SIL1: variants seen among roughly 807,000 people sequenced by gnomAD.
SIL1 encodes the protein nucleotide exchange factor SIL1.
In SIL1, 40 loss-of-function variants were observed where a neutral mutation model predicts 49.1. The observed-to-expected ratio is 0.81, with a 90% CI of 0.63 to 1.06. The LOEUF (loss-of-function observed/expected upper bound fraction) is 1.06. Among genes scored for constraint, SIL1 ranks in the 50% least tolerant of loss-of-function variants. The pLI is 0.00. For synonymous variants in SIL1, 253 were observed against 250.8 expected (o/e 1.01, Z -0.08); for missense variants, 500 against 572.6 (o/e 0.87, Z 1.29).
intron 5 of SIL1, among the ~76,000 whole-genome samples, chr5:139,040,488 T>TC (rs1561838968): frequency 9.1e-6 from 1 of 109,802 alleles, no homozygotes; most frequent in African/African-American, 4.5e-5. Flanking sequence ...TTTTTTCTTT[T>TC]TTCTTTTTTC....
At chr5:138,971,798 T>C (rs1050199095) in intron 7 of SIL1, among the ~76,000 whole-genome samples, 8 of 152,178 alleles carry the variant, frequency 5.3e-5, no homozygotes, top group African/African-American at 9.7e-5. Context: ...GCTCAATGCC[T>C]AGCACAAAGG....
At chr5:139,031,850 C>T (rs938176701) in intron 5 of SIL1, among the ~76,000 whole-genome samples, 63 of 152,144 alleles carry the variant, frequency 4.1e-4, no homozygotes, top group African/African-American at 1.5e-3. Flanking sequence ...AGATTTATTC[C>T]TAAATATTTC....
In SIL1 at chr5:138,947,254, G is replaced by T; in HGVS notation, c.1249C>A (p.Gln417Lys). ...AGGCTGGCCAGTGTCCTGCCGAGCT[G>T]GGGGTCCTGACGGTAGCGGTCCCGG... ...TCRDRYRQDP[Q>K]LGRTLASLQA... The change falls in exon 10 of 10, where the codon CAG becomes AAG. Residue 417 changes from glutamine to lysine, a missense_variant. Coordinates refer to ENST00000394817, the MANE Select transcript of SIL1 (RefSeq NM_022464.5). This position sits in a 1 kb window ranked among gnomAD's most constrained non-coding sequence, Gnocchi z 4.1. 1.2e-6 allele frequency: 2 copies of T among 1,613,592 alleles called. No individual in the cohort carries two copies. Among genetic ancestry groups the T allele is most frequent in the Non-Finnish European group, 1.7e-6 (2 of 1,180,012 alleles).
rs1768156010 is a variant in SIL1 at position 139,007,766 on chromosome 5, T to C, written c.767+13405A>G. Reference sequence around the variant, plus strand: ...CTGTTTATATGCTGGATTACATTTATTGGTTTGCGTATATTGAACCAGCCT... The same window carrying C: ...CTGTTTATATGCTGGATTACATTTACTGGTTTGCGTATATTGAACCAGCCT... On this transcript the variant is annotated intron_variant, in intron 7 of 9. Transcript: ENST00000394817. 2.1e-5 allele frequency among the ~76,000 whole-genome samples: 3 copies of C among 145,012 alleles called. No individual in the cohort carries two copies. The South Asian group carries it at 7.0e-4, about 34-fold the overall frequency.
intron 1 of SIL1, among the ~76,000 whole-genome samples, chr5:139,172,920 C>T (rs1267069659): frequency 6.6e-6 from 1 of 151,946 alleles, no homozygotes; most frequent in Non-Finnish European, 1.5e-5. Context: ...GCCCCCACTC[C>T]AGAACCCGCT....
intron 7 of SIL1, among the ~76,000 whole-genome samples, chr5:139,007,130 T>C (rs1292831781): frequency 6.8e-6 from 1 of 146,036 alleles, no homozygotes; most frequent in Non-Finnish European, 1.5e-5. Flanking sequence ...TCCTCTTTTA[T>C]TTCATTGAGC....
At chr5:138,980,980 G>A (rs1302113205) in intron 7 of SIL1, among the ~76,000 whole-genome samples, 4 of 151,978 alleles carry the variant, frequency 2.6e-5, no homozygotes, top group African/African-American at 9.7e-5. Flanking sequence ...CGAGGCAGGC[G>A]GATCACTTGA....
chr5:139,026,720 C>G (rs776943911), intron 6 of SIL1, 81 bp downstream of exon 6: 277 of 1,239,010 alleles, frequency 2.2e-4, no homozygotes, highest in Non-Finnish European at 3.1e-4. Flanking sequence ...GATGTTGATG[C>G]TATTTTCTTA....
At chr5:138,950,826 T>G (rs1409377308) in intron 9 of SIL1, among the ~76,000 whole-genome samples, 1 of 152,214 alleles carries the variant, frequency 6.6e-6, no homozygotes, top group African/African-American at 2.4e-5. Flanking sequence ...GAAGGAGCTC[T>G]GGGCTGTTCT....
chr5:138,949,194 C>T (rs1766706698), intron 9 of SIL1, among the ~76,000 whole-genome samples: 1 of 152,220 alleles, frequency 6.6e-6, no homozygotes, highest in Non-Finnish European at 1.5e-5. Context: ...CCTTCAGCTC[C>T]TCAGATGCAC....
intron 3 of SIL1, among the ~76,000 whole-genome samples, chr5:139,095,246 T>C (rs918217529): frequency 2.0e-5 from 3 of 151,656 alleles, no homozygotes; most frequent in East Asian, 1.9e-4. Flanking sequence ...AGTATCTATA[T>C]ATATATATTA....
chr5:139,067,410 A>G (rs935014909), intron 3 of SIL1, among the ~76,000 whole-genome samples: 2 of 152,208 alleles, frequency 1.3e-5, no homozygotes, highest in Admixed American at 6.5e-5. Flanking sequence ...ATCACCTCTG[A>G]TAACAGGATT....
At chr5:139,053,694 G>A (rs1362053903) in intron 3 of SIL1, among the ~76,000 whole-genome samples, 1 of 151,964 alleles carries the variant, frequency 6.6e-6, no homozygotes. Flanking sequence ...TCCTACCAGG[G>A]GGCCATTCCA....
intron 7 of SIL1, among the ~76,000 whole-genome samples, chr5:139,008,799 T>C (rs564177492): frequency 9.8e-4 from 149 of 152,264 alleles, no homozygotes; most frequent in Admixed American, 1.8e-3. Flanking sequence ...TCCTGAGTTC[T>C]AGTTTGATTG....
intron 1 of SIL1, among the ~76,000 whole-genome samples, chr5:139,194,929 C>A (rs79429000): frequency 2.3e-4 from 34 of 149,936 alleles, no homozygotes; most frequent in African/African-American, 8.1e-4. Context: ...CCTTTCAGAG[C>A]CTTTTTTTTT....
chr5:139,174,937 C>CAAAAAA (rs56959325), intron 1 of SIL1, among the ~76,000 whole-genome samples: 19 of 59,834 alleles, frequency 3.2e-4, no homozygotes, highest in African/African-American at 4.0e-4. Flanking sequence ...GACTGTGTCT[C>CAAAAAA]AAAAAAAAAA....
At chr5:139,071,917 A>T (rs1769843746) in intron 3 of SIL1, among the ~76,000 whole-genome samples, 1 of 152,096 alleles carries the variant, frequency 6.6e-6, no homozygotes, top group South Asian at 2.1e-4. Context: ...CCCCCGCCTC[A>T]GCCTCCCAAA....
chr5:139,151,591 A>G (rs1324077226), intron 1 of SIL1, among the ~76,000 whole-genome samples: 1 of 152,216 alleles, frequency 6.6e-6, no homozygotes, highest in African/African-American at 2.4e-5. Flanking sequence ...TTAAAAATTT[A>G]TCTAATTTGG....
intron 7 of SIL1, among the ~76,000 whole-genome samples, chr5:138,997,526 T>C (rs1442495338): frequency 1.3e-5 from 2 of 152,170 alleles, no homozygotes; most frequent in African/African-American, 2.4e-5. Flanking sequence ...GTTTGTTTTG[T>C]TTTTTACCAA....
Sources: gnomAD v4.1 joint callset for allele counts (sites outside exome capture counted in the v4.1 genomes callset) on GRCh38, gnomAD v4.1.1 for gene constraint, Gnocchi (gnomAD v3.1) non-coding constraint, MANE v1.5 for transcripts, NCBI Gene and HGNC (gene_info 2026-07-23, HGNC 2026-07-21) for gene names.